FBXL17: variants seen among roughly 807,000 people sequenced by gnomAD.
The protein encoded by FBXL17 is F-box/LRR-repeat protein 17.
A neutral mutation model predicts 66.2 loss-of-function variants in FBXL17; 22 were observed. The observed-to-expected ratio is 0.33, with a 90% CI of 0.24 to 0.47. FBXL17 has a LOEUF of 0.47. Among genes scored for constraint, FBXL17 ranks in the 20% least tolerant of loss-of-function variants. The pLI is 1.00. For missense variants in FBXL17, 878 were observed against 948.2 expected (o/e 0.93, Z 0.97); for synonymous variants, 474 against 400.5 (o/e 1.18, Z -2.19).
chr5:108,374,488 A>T (rs760362779), intron 1 of FBXL17, among the ~76,000 whole-genome samples: 3 of 152,148 alleles, frequency 2.0e-5, no homozygotes, highest in African/African-American at 4.8e-5. Flanking sequence ...CCTGGGCAAC[A>T]TGGCAAAACT....
At chr5:107,974,305 AAAAAT>A (rs1215724610) in intron 7 of FBXL17, among the ~76,000 whole-genome samples, 3 of 152,158 alleles carry the variant, frequency 2.0e-5, no homozygotes. Flanking sequence ...AACACTAGTA[AAAAAT>A]AACTTTATTG....
At chr5:108,136,199 C>T (rs569473037) in intron 6 of FBXL17, among the ~76,000 whole-genome samples, 1 of 152,018 alleles carries the variant, frequency 6.6e-6, no homozygotes, top group Non-Finnish European at 1.5e-5. Flanking sequence ...AGACCTTAAA[C>T]CTTCTTTTTG....
intron 7 of FBXL17, among the ~76,000 whole-genome samples, chr5:107,896,791 A>G (rs1355216229): frequency 6.6e-6 from 1 of 152,180 alleles, no homozygotes; most frequent in Non-Finnish European, 1.5e-5. Context: ...AAGACCATTG[A>G]AAATAAGAAA....
chr5:108,200,202 T>C (rs1753835138), intron 5 of FBXL17, among the ~76,000 whole-genome samples: 1 of 152,092 alleles, frequency 6.6e-6, no homozygotes, highest in South Asian at 2.1e-4. Context: ...AAACATTTAT[T>C]GTAGCTTCTG....
chr5:108,217,281 C>T (rs1241008371), intron 5 of FBXL17, among the ~76,000 whole-genome samples: 2 of 152,090 alleles, frequency 1.3e-5, no homozygotes, highest in East Asian at 3.9e-4. Context: ...TGACCATGCT[C>T]CTTAATAGTC....
chr5:107,999,487 CA>C (rs1226848102), intron 7 of FBXL17, among the ~76,000 whole-genome samples: 2 of 141,914 alleles, frequency 1.4e-5, no homozygotes, highest in Non-Finnish European at 3.1e-5. Context: ...ACACACACCA[CA>C]CACACACATA....
chr5:107,994,587 C>A (rs1753390019), intron 7 of FBXL17, among the ~76,000 whole-genome samples: 1 of 152,168 alleles, frequency 6.6e-6, no homozygotes, highest in Non-Finnish European at 1.5e-5. Context: ...TGCCTGTAAT[C>A]CCAGCACTTT....
At chr5:108,352,431 C>G (rs2112498223) in intron 3 of FBXL17, among the ~76,000 whole-genome samples, 1 of 152,366 alleles carries the variant, frequency 6.6e-6, no homozygotes, top group Non-Finnish European at 1.5e-5. Context: ...CTTACAAAAT[C>G]ATCACCATTA....
At chr5:108,154,333 C>T (rs1751885165) in intron 6 of FBXL17, among the ~76,000 whole-genome samples, 1 of 149,596 alleles carries the variant, frequency 6.7e-6, no homozygotes, top group South Asian at 2.1e-4. Context: ...GTGGCTCACG[C>T]CTGTAATCCC....
At chr5:107,961,553 T>TGG (rs1406528839) in intron 7 of FBXL17, among the ~76,000 whole-genome samples, 1 of 151,888 alleles carries the variant, frequency 6.6e-6, no homozygotes, top group Non-Finnish European at 1.5e-5. Flanking sequence ...ACCAATGTGA[T>TGG]GGGGGTGTAG....
intron 5 of FBXL17, among the ~76,000 whole-genome samples, chr5:108,208,837 A>G (rs2122157): frequency 0.3 from 46,302 of 151,936 alleles, 7,284 homozygotes; most frequent in Middle Eastern, 0.38. Flanking sequence ...GTTTTTTCCA[A>G]TTATGTGAAG....
chr5:108,338,198 C>CCAG (rs1746636055), intron 4 of FBXL17, among the ~76,000 whole-genome samples: 1 of 43,268 alleles, frequency 2.3e-5, no homozygotes, highest in African/African-American at 1.2e-4. Flanking sequence ...CAATGAAAAG[C>CCAG]TAGAACATGA....
At chr5:108,162,716 C>T (rs1752261887) in intron 6 of FBXL17, among the ~76,000 whole-genome samples, 1 of 152,112 alleles carries the variant, frequency 6.6e-6, no homozygotes, top group Non-Finnish European at 1.5e-5. Flanking sequence ...ATCTCTAGTG[C>T]CTTGGTTCTC....
At chr5:107,897,101 A>C (rs1198487980) in intron 7 of FBXL17, among the ~76,000 whole-genome samples, 1 of 152,146 alleles carries the variant, frequency 6.6e-6, no homozygotes, top group Non-Finnish European at 1.5e-5. Context: ...AAAAATACTA[A>C]GATAATAGGA....
chr5:107,937,306 T>G (rs758974227), intron 7 of FBXL17, among the ~76,000 whole-genome samples: 6 of 152,092 alleles, frequency 3.9e-5, no homozygotes, highest in Non-Finnish European at 7.4e-5. Flanking sequence ...TCTTATTCAA[T>G]CTATTGTGTG....
At chr5:108,147,572 G>A (rs1751607876) in intron 6 of FBXL17, among the ~76,000 whole-genome samples, 2 of 152,162 alleles carry the variant, frequency 1.3e-5, no homozygotes, top group Non-Finnish European at 2.9e-5. Flanking sequence ...TAGAATATAT[G>A]TAGAGGGAAA....
At chr5:107,957,909 T>TG (rs1362116229) in intron 7 of FBXL17, among the ~76,000 whole-genome samples, 1 of 152,130 alleles carries the variant, frequency 6.6e-6, no homozygotes, top group African/African-American at 2.4e-5. Context: ...GTCAATTCTG[T>TG]GGGGAGCAGA....
chr5:108,068,247 G>GTA (rs1748187872), intron 6 of FBXL17, among the ~76,000 whole-genome samples: 1 of 151,958 alleles, frequency 6.6e-6, no homozygotes, highest in South Asian at 2.1e-4. Flanking sequence ...TCATAAAAGT[G>GTA]TACAGTAATT....
intron 7 of FBXL17, among the ~76,000 whole-genome samples, chr5:107,892,545 A>G (rs1749230460): frequency 6.6e-6 from 1 of 152,168 alleles, no homozygotes; most frequent in Non-Finnish European, 1.5e-5. Flanking sequence ...TAGATCACTT[A>G]ATTTTCCCAG....
Sources: allele counts gnomAD v4.1 joint callset (sites outside exome capture counted in the v4.1 genomes callset), GRCh38; gene constraint gnomAD v4.1.1; transcripts MANE v1.5; gene names NCBI Gene and HGNC (gene_info 2026-07-23, HGNC 2026-07-21).